Variants in PDGFRL observed in about 807,000 individuals in gnomAD.
PDGFRL encodes the protein platelet derived growth factor receptor like.
A neutral mutation model predicts 37.2 loss-of-function variants in PDGFRL; 46 were observed. The observed-to-expected ratio is 1.24, with a 90% CI of 0.98 to 1.58. The LOEUF (loss-of-function observed/expected upper bound fraction) is 1.58. PDGFRL is among the 40% of genes most tolerant of loss of function. The pLI, the probability that PDGFRL is intolerant of heterozygous loss-of-function variation, is 0.00. For synonymous variants in PDGFRL, 251 were observed against 184.3 expected, an observed-to-expected ratio of 1.36 and a Z score of -2.93; for missense variants, 692 against 467.6, an observed-to-expected ratio of 1.48 and a Z score of -4.43.
chr8:17,640,505 T>A (rs756770503), intron 5 of PDGFRL, among the ~76,000 whole-genome samples: 14 of 152,190 alleles, frequency 9.2e-5, no homozygotes, highest in Non-Finnish European at 1.9e-4. Flanking sequence ...TTCCCCTATG[T>A]GTGTGGCTTC....
intron 5 of PDGFRL, among the ~76,000 whole-genome samples, chr8:17,639,633 G>A (rs994768215): frequency 7.2e-5 from 11 of 152,170 alleles, no homozygotes; most frequent in Admixed American, 7.2e-4. Context: ...TAGGGTTTCT[G>A]CTGAGGAATC....
At chr8:17,606,223 C>T (rs553186244) in intron 2 of PDGFRL, among the ~76,000 whole-genome samples, 18 of 151,930 alleles carry the variant, frequency 1.2e-4, no homozygotes, top group South Asian at 1.0e-3. Context: ...ATACACAGAA[C>T]GTACAATTTA....
intron 1 of PDGFRL, among the ~76,000 whole-genome samples, chr8:17,577,572 C>G (rs914371922): frequency 6.6e-6 from 1 of 151,860 alleles, no homozygotes; most frequent in Admixed American, 6.6e-5. Context: ...AAGTCCCCAT[C>G]TCCGGGCGAA....
chr8:17,599,364 T>C (rs190942401), intron 2 of PDGFRL, among the ~76,000 whole-genome samples: 1 of 152,226 alleles, frequency 6.6e-6, no homozygotes, highest in African/African-American at 2.4e-5. Flanking sequence ...CCTCACAGCT[T>C]AGCTCCCACA....
intron 1 of PDGFRL, among the ~76,000 whole-genome samples, chr8:17,583,214 A>T (rs530492158): frequency 6.6e-6 from 1 of 152,276 alleles, no homozygotes; most frequent in Admixed American, 6.5e-5. Flanking sequence ...GAACTAACAC[A>T]GAGAGTCCCT....
intron 3 of PDGFRL, among the ~76,000 whole-genome samples, chr8:17,623,345 A>T (rs1035604304): frequency 1.3e-5 from 2 of 152,164 alleles, no homozygotes; most frequent in African/African-American, 4.8e-5. Context: ...TTCATTTTGG[A>T]ACTCGCTACA....
At chr8:17,628,923 C>G in intron 4 of PDGFRL, 143 bp downstream of exon 4, 1 of 629,470 alleles carries the variant, frequency 1.6e-6, no homozygotes, top group Non-Finnish European at 2.8e-6. Flanking sequence ...GTTTTTTTTT[C>G]TCTTTTTTCT....
intron 2 of PDGFRL, among the ~76,000 whole-genome samples, chr8:17,601,466 T>C (rs1244822912): frequency 6.6e-6 from 1 of 152,150 alleles, no homozygotes; most frequent in East Asian, 1.9e-4. Context: ...TTTTTTTTTT[T>C]TTCCTCTTTC....
intron 4 of PDGFRL, among the ~76,000 whole-genome samples, chr8:17,631,668 A>C (rs1804863619): frequency 6.6e-6 from 1 of 152,086 alleles, no homozygotes; most frequent in Non-Finnish European, 1.5e-5. Flanking sequence ...GACTTCCACC[A>C]AAACGGCTAT....
intron 1 of PDGFRL, among the ~76,000 whole-genome samples, chr8:17,583,198 G>C (rs145769676): frequency 1.3e-3 from 200 of 152,264 alleles, no homozygotes; most frequent in African/African-American, 4.7e-3. Flanking sequence ...GCCTGCTACA[G>C]GGGCAGAACT....
intron 5 of PDGFRL, 108 bp from the exon 6 acceptor site, chr8:17,642,505 G>A (rs1284813838): frequency 1.3e-5 from 9 of 701,676 alleles, no homozygotes; most frequent in Non-Finnish European, 5.1e-6. Flanking sequence ...TCTTTTATAA[G>A]CATGTGCTTT....
At chr8:17,627,307 A>AT (rs1229804506) in intron 3 of PDGFRL, among the ~76,000 whole-genome samples, 1 of 152,158 alleles carries the variant, frequency 6.6e-6, no homozygotes, top group Non-Finnish European at 1.5e-5. Flanking sequence ...TATTAGCTTG[A>AT]TTTTTTGTGG....
chr8:17,607,363 C>G (rs79095045), intron 2 of PDGFRL, among the ~76,000 whole-genome samples: 5 of 152,028 alleles, frequency 3.3e-5, no homozygotes, highest in Middle Eastern at 3.2e-3. Context: ...TCTGCTAACT[C>G]TTACTTAAAA....
At chr8:17,634,952 C>T (rs1804939818) in intron 5 of PDGFRL, among the ~76,000 whole-genome samples, 1 of 149,898 alleles carries the variant, frequency 6.7e-6, no homozygotes, top group South Asian at 2.1e-4. Context: ...TGCACATATA[C>T]CCCTGAACCT....
intron 2 of PDGFRL, among the ~76,000 whole-genome samples, chr8:17,600,491 G>A (rs1804144035): frequency 6.6e-6 from 1 of 152,130 alleles, no homozygotes; most frequent in Non-Finnish European, 1.5e-5. Flanking sequence ...CTAGCTGCCT[G>A]CTCACAATAT....
intron 2 of PDGFRL, among the ~76,000 whole-genome samples, chr8:17,591,948 G>A (rs1006451505): frequency 1.3e-5 from 2 of 152,120 alleles, no homozygotes; most frequent in Non-Finnish European, 2.9e-5. Context: ...GCTGCAGAGG[G>A]CAGGTATCTC....
At chr8:17,603,318 C>T (rs1804205266) in intron 2 of PDGFRL, among the ~76,000 whole-genome samples, 1 of 152,182 alleles carries the variant, frequency 6.6e-6, no homozygotes. Flanking sequence ...AGGGAGCAGA[C>T]ATTTGTAAGT....
rs184010284 is a variant in PDGFRL at position 17,584,910 on chromosome 8, C to T, written c.56-4558C>T. ...AATGGCTTCTTCATAGGCAGAGCAG[C>T]GGCATGGACTGCTCAGCTGCTTATA... On this transcript the variant is annotated intron_variant, in intron 1 of 5. Coordinates refer to ENST00000251630, the MANE Select transcript of PDGFRL (RefSeq NM_001372073.1). Among the ~76,000 whole-genome samples the T allele has an allele frequency of 5.4e-4, 82 of 152,104 alleles. No individual in the cohort carries two copies. In the East Asian group the frequency reaches 8.5e-3, roughly 16 times the overall value.
At position 17,628,717 on chromosome 8, in the gene PDGFRL, TGCAGGGCGGAGGCCGGGG is replaced by T. The variant is rs1563527448; in HGVS notation, c.741_758del (p.Ala248_Arg253del). On this transcript the variant is annotated inframe_deletion, in exon 4 of 6. Transcript: ENST00000251630. ...TTCCGAGCACCAGGGTGTGGTTTAC[TGCAGGGCGGAGGCCGGGG>T]GCAGATCTCAGATCTCCGTCAAGTA... 6.2e-7 allele frequency: 1 copy of T among 1,614,168 alleles called. No individual in the cohort carries two copies. Among genetic ancestry groups the T allele is most frequent in the Middle Eastern group, 1.6e-4 (1 of 6,062 alleles).
Sources: allele counts gnomAD v4.1 joint callset (sites outside exome capture counted in the v4.1 genomes callset), GRCh38; gene constraint gnomAD v4.1.1; transcripts MANE v1.5; gene names NCBI Gene and HGNC (gene_info 2026-07-23, HGNC 2026-07-21).